KCTD8: variants seen among roughly 807,000 people sequenced by gnomAD.
KCTD8 encodes potassium channel tetramerization domain containing 8, also known as BTB/POZ domain-containing protein KCTD8.
A neutral mutation model predicts 31.5 loss-of-function variants in KCTD8; 27 were observed. That is an observed-to-expected ratio of 0.86 (90% confidence interval 0.63 to 1.18). The LOEUF (loss-of-function observed/expected upper bound fraction) is 1.18. Among genes scored for constraint, KCTD8 ranks in the 50% most tolerant of loss-of-function variants. The pLI is 0.00. For missense variants in KCTD8, 658 were observed against 647.7 expected (o/e 1.02, Z -0.17); for synonymous variants, 290 against 280.0 (o/e 1.04, Z -0.36).
intron 1 of KCTD8, among the ~76,000 whole-genome samples, chr4:44,248,652 A>G (rs1466952731): frequency 1.3e-5 from 2 of 151,924 alleles, no homozygotes; most frequent in Admixed American, 6.6e-5. Context: ...AGGTGTGGCC[A>G]TAAGACCAAA....
intron 1 of KCTD8, among the ~76,000 whole-genome samples, chr4:44,234,727 G>A (rs1041353860): frequency 6.6e-6 from 1 of 152,120 alleles, no homozygotes; most frequent in Non-Finnish European, 1.5e-5. Flanking sequence ...CTATAAGCCA[G>A]GCCCTTCTAG....
intron 1 of KCTD8, among the ~76,000 whole-genome samples, chr4:44,199,402 G>T (rs1042300172): frequency 6.6e-6 from 1 of 151,952 alleles, no homozygotes; most frequent in Non-Finnish European, 1.5e-5. Context: ...CACATGTTCG[G>T]CCATATAGCA....
At chr4:44,411,258 G>A (rs190637733) in intron 1 of KCTD8, among the ~76,000 whole-genome samples, 1 of 151,840 alleles carries the variant, frequency 6.6e-6, no homozygotes, top group East Asian at 1.9e-4. Context: ...TGCTCCTATA[G>A]TTCCAGCTAC....
intron 1 of KCTD8, among the ~76,000 whole-genome samples, chr4:44,444,851 T>C (rs111850107): frequency 6.6e-6 from 1 of 152,266 alleles, no homozygotes; most frequent in African/African-American, 2.4e-5. Flanking sequence ...CAGTTTCAAC[T>C]ACTAAGTTCA....
At chr4:44,389,997 T>A (rs1720327622) in intron 1 of KCTD8, among the ~76,000 whole-genome samples, 1 of 151,998 alleles carries the variant, frequency 6.6e-6, no homozygotes, top group South Asian at 2.1e-4. Flanking sequence ...TTTTTATTTC[T>A]GCCGATTTGT....
At chr4:44,318,974 A>G (rs1718216261) in intron 1 of KCTD8, among the ~76,000 whole-genome samples, 1 of 152,256 alleles carries the variant, frequency 6.6e-6, no homozygotes, top group Non-Finnish European at 1.5e-5. Flanking sequence ...ACTTTAGGTA[A>G]GATGGCAGGA....
intron 1 of KCTD8, among the ~76,000 whole-genome samples, chr4:44,177,214 C>G (rs1713242603): frequency 6.6e-6 from 1 of 152,118 alleles, no homozygotes; most frequent in African/African-American, 2.4e-5. Context: ...TTCTTAAGCT[C>G]TCTTGCCTTC....
At chr4:44,277,506 CA>C (rs538500365) in intron 1 of KCTD8, among the ~76,000 whole-genome samples, 1 of 151,616 alleles carries the variant, frequency 6.6e-6, no homozygotes, top group Non-Finnish European at 1.5e-5. Context: ...TGGTACGCTG[CA>C]AAAAACAGCT....
chr4:44,293,138 A>G (rs1717328490), intron 1 of KCTD8, among the ~76,000 whole-genome samples: 1 of 152,162 alleles, frequency 6.6e-6, no homozygotes, highest in Non-Finnish European at 1.5e-5. Flanking sequence ...TGGAAATCTT[A>G]TCTAAGGATT....
intron 1 of KCTD8, among the ~76,000 whole-genome samples, chr4:44,357,444 A>G (rs1291088098): frequency 6.6e-6 from 1 of 152,210 alleles, no homozygotes; most frequent in Non-Finnish European, 1.5e-5. Context: ...AGATAAAACC[A>G]TAAAATTCCT....
At chr4:44,336,465 C>T (rs576775825) in intron 1 of KCTD8, among the ~76,000 whole-genome samples, 1 of 151,862 alleles carries the variant, frequency 6.6e-6, no homozygotes, top group Non-Finnish European at 1.5e-5. Flanking sequence ...GCCTATCATA[C>T]TCAATTAGAC....
intron 1 of KCTD8, among the ~76,000 whole-genome samples, chr4:44,370,601 T>A (rs1024807293): frequency 6.6e-6 from 1 of 152,108 alleles, no homozygotes. Context: ...GGCTCAGATA[T>A]CATGTTTTCT....
intron 1 of KCTD8, among the ~76,000 whole-genome samples, chr4:44,410,385 C>A (rs1203237690): frequency 6.6e-6 from 1 of 152,090 alleles, no homozygotes; most frequent in East Asian, 1.9e-4. Flanking sequence ...ATATTCTTCA[C>A]CTGTATTACT....
intron 1 of KCTD8, among the ~76,000 whole-genome samples, chr4:44,256,089 G>A (rs1651038469): frequency 6.6e-6 from 1 of 151,736 alleles, no homozygotes; most frequent in Admixed American, 6.6e-5. Flanking sequence ...CATGTGGAGG[G>A]GAACTGCACA....
At chr4:44,375,233 C>T (rs1161242955) in intron 1 of KCTD8, among the ~76,000 whole-genome samples, 1 of 151,992 alleles carries the variant, frequency 6.6e-6, no homozygotes, top group East Asian at 1.9e-4. Context: ...AAGGTGTATG[C>T]TGGGAGTGTG....
chr4:44,323,366 C>T (rs910999248), intron 1 of KCTD8, among the ~76,000 whole-genome samples: 4 of 151,490 alleles, frequency 2.6e-5, no homozygotes, highest in African/African-American at 4.9e-5. Context: ...TAGTGGCTGG[C>T]GCCTGTAATC....
chr4:44,380,052 C>T lies in KCTD8; in HGVS notation c.961+67511G>A, dbSNP rs1055726801. ...TAGCTTATACAGATATACATACTGA[C>T]ATAGCCATAGATATAGATGTGTTTT... On this transcript the variant is annotated intron_variant, in intron 1 of 1. Transcript: ENST00000360029. 4.6e-5 allele frequency among the ~76,000 whole-genome samples: 7 copies of T among 152,128 alleles called. No individual in the cohort carries two copies. The East Asian group carries it at 7.7e-4, about 17-fold the overall frequency.
intron 1 of KCTD8, among the ~76,000 whole-genome samples, chr4:44,206,128 G>C (rs182900606): frequency 1.0e-3 from 151 of 151,204 alleles, no homozygotes; most frequent in African/African-American, 3.6e-3. Context: ...ATGCATTCTT[G>C]GTGAGTAACA....
chr4:44,376,418 C>A (rs1719918099), intron 1 of KCTD8, among the ~76,000 whole-genome samples: 1 of 152,144 alleles, frequency 6.6e-6, no homozygotes, highest in South Asian at 2.1e-4. Context: ...AGCCTTAAGA[C>A]AAAATCATGC....
Sources: gnomAD v4.1 joint callset for allele counts (sites outside exome capture counted in the v4.1 genomes callset) on GRCh38, gnomAD v4.1.1 for gene constraint, MANE v1.5 for transcripts, NCBI Gene and HGNC (gene_info 2026-07-23, HGNC 2026-07-21) for gene names.